Variants in DIP2C observed in about 807,000 individuals in gnomAD.
DIP2C encodes the protein disco-interacting protein 2 homolog C.
In DIP2C, 33 loss-of-function variants were observed where a neutral mutation model predicts 192.4. The observed-to-expected ratio is 0.17, with a 90% CI of 0.13 to 0.23. The LOEUF (loss-of-function observed/expected upper bound fraction) is 0.23. DIP2C is among the 10% of genes least tolerant of loss of function. The pLI is 1.00. For synonymous variants in DIP2C, 979 were observed against 864.1 expected (o/e 1.13, Z -2.33); for missense variants, 1,537 against 2,110.1 (o/e 0.73, Z 5.32).
chr10:579,155 CAGAT>C (rs1237795223), intron 1 of DIP2C, among the ~76,000 whole-genome samples: 1 of 151,780 alleles, frequency 6.6e-6, no homozygotes, highest in African/African-American at 2.4e-5. Context: ...AGCATACACC[CAGAT>C]ACAGTGTACA....
Position 384,047 on chromosome 10 carries a change from A to C in DIP2C, c.1856T>G (p.Val619Gly). The change falls in exon 16 of 37, where the codon GTG becomes GGG. Residue 619 changes from valine (V) to glycine (G), a missense_variant. Val to Gly is a moderately radical substitution (Grantham distance 109, BLOSUM62 -3). Around this residue, in one of 4 missense-constraint regions of DIP2C, gnomAD observed 677 missense variants for 989.9 expected, o/e 0.68. Transcript: ENST00000280886. ...CTTACAGGGGTTCGCGCCGTCCGCC[A>C]CTATCAGCATTCGCAGAGAGGAGAG... The part of the protein sequence containing the change: ...INLSSLRMLI[V>G]ADGANPWSIS... The C allele has an allele frequency of 6.2e-7, 1 of 1,607,120 alleles. No individual in the cohort carries two copies. Among genetic ancestry groups the C allele is most frequent in the Non-Finnish European group, 8.5e-7 (1 of 1,178,072 alleles).
intron 3 of DIP2C, among the ~76,000 whole-genome samples, chr10:467,509 T>C (rs1970306071): frequency 7.2e-6 from 1 of 139,236 alleles, no homozygotes; most frequent in East Asian, 2.1e-4. Context: ...TGTGCACATG[T>C]ACCCTAAAAC....
intron 1 of DIP2C, among the ~76,000 whole-genome samples, chr10:635,894 T>A (rs1219884143): frequency 2.0e-5 from 3 of 152,182 alleles, no homozygotes; most frequent in Non-Finnish European, 4.4e-5. Context: ...AACGGGGTCC[T>A]CGGTGGTGAC....
At chr10:591,748 A>G (rs1042898120) in intron 1 of DIP2C, among the ~76,000 whole-genome samples, 1 of 152,136 alleles carries the variant, frequency 6.6e-6, no homozygotes, top group African/African-American at 2.4e-5. Context: ...TCCAAATAAA[A>G]GCTCAAGGGA....
chr10:539,916 A>G (rs561422887), intron 1 of DIP2C, among the ~76,000 whole-genome samples: 6 of 152,380 alleles, frequency 3.9e-5, no homozygotes, highest in African/African-American at 1.4e-4. Context: ...AACACATTAC[A>G]AACCCCTAAA....
At chr10:528,572 A>G (rs1430690387) in intron 1 of DIP2C, among the ~76,000 whole-genome samples, 3 of 152,280 alleles carry the variant, frequency 2.0e-5, no homozygotes, top group Non-Finnish European at 2.9e-5. Flanking sequence ...TCACACAACC[A>G]TCTTGGACTC....
chr10:538,755 A>C (rs1271036504), intron 1 of DIP2C, among the ~76,000 whole-genome samples: 1 of 152,250 alleles, frequency 6.6e-6, no homozygotes. Flanking sequence ...TTTCTTTTTA[A>C]CAAAAGATAA....
intron 10 of DIP2C, among the ~76,000 whole-genome samples, chr10:394,396 C>T (rs1454602869): frequency 3.3e-5 from 5 of 149,934 alleles, no homozygotes; most frequent in South Asian, 2.1e-4. Flanking sequence ...GGAACCCTGC[C>T]GTGTGCTGAA....
At chr10:619,411 G>A (rs554042067) in intron 1 of DIP2C, among the ~76,000 whole-genome samples, 6 of 152,216 alleles carry the variant, frequency 3.9e-5, no homozygotes, top group South Asian at 2.1e-4. Flanking sequence ...AGAGGCTTCC[G>A]CATCCCCTGG....
At chr10:344,473 C>A (rs1178861341) in intron 28 of DIP2C, among the ~76,000 whole-genome samples, 1 of 152,080 alleles carries the variant, frequency 6.6e-6, no homozygotes, top group East Asian at 1.9e-4. Context: ...TCTAATAGAG[C>A]CCAGGTTAAA....
At chr10:592,421 C>T (rs1851455410) in intron 1 of DIP2C, among the ~76,000 whole-genome samples, 1 of 152,200 alleles carries the variant, frequency 6.6e-6, no homozygotes, top group Admixed American at 6.5e-5. Flanking sequence ...TCCAAATGTC[C>T]ATCGATACGA....
chr10:424,101 C>T (rs1000144573), intron 4 of DIP2C, among the ~76,000 whole-genome samples: 5 of 152,150 alleles, frequency 3.3e-5, no homozygotes, highest in Non-Finnish European at 5.9e-5. Context: ...TTAAGAATGA[C>T]ACTCAGAATC....
intron 1 of DIP2C, among the ~76,000 whole-genome samples, chr10:639,107 G>A (rs578160002): frequency 6.6e-6 from 1 of 152,022 alleles, no homozygotes; most frequent in South Asian, 2.1e-4. Flanking sequence ...CAGGTCGGGA[G>A]GATGCTGCCC....
intron 1 of DIP2C, among the ~76,000 whole-genome samples, chr10:649,362 G>A (rs1010773192): frequency 4.6e-5 from 7 of 152,064 alleles, no homozygotes; most frequent in South Asian, 2.1e-4. Flanking sequence ...CTGAGTCCAC[G>A]TCCACATTTG....
chr10:651,106 G>A lies in DIP2C; in HGVS notation c.85+38388C>T. 2 of 717,428 alleles carry A rather than the reference G, an allele frequency of 2.8e-6. No individual in the cohort carries two copies. The highest frequency in any genetic ancestry group is 5.2e-6 in the Non-Finnish European group (2 of 385,098). 44.4% of individuals were successfully genotyped at this position (717,428 alleles called of 1,614,324 possible). On this transcript the variant is annotated intron_variant, in intron 1 of 36. Transcript: ENST00000280886. The surrounding 1 kb of genome is among the most constrained non-coding windows in gnomAD (Gnocchi z 4.1). ...CCCACACCTCCCAAACTCTCTCCTGGCCAGCTCTCGCCACACTCAGTCAAT... is the reference window on the plus strand; with the variant it reads ...CCCACACCTCCCAAACTCTCTCCTGACCAGCTCTCGCCACACTCAGTCAAT...
At chr10:351,933 T>C (rs953515424) in intron 24 of DIP2C, among the ~76,000 whole-genome samples, 1 of 151,988 alleles carries the variant, frequency 6.6e-6, no homozygotes, top group Admixed American at 6.5e-5. Flanking sequence ...CAGGGGCAGG[T>C]CTCCCAACAA....
At chr10:515,258 G>T (rs926888672) in intron 1 of DIP2C, among the ~76,000 whole-genome samples, 9 of 152,172 alleles carry the variant, frequency 5.9e-5, no homozygotes, top group Admixed American at 1.3e-4. Context: ...AACCATAAAT[G>T]GATATAAAAT....
intron 31 of DIP2C, among the ~76,000 whole-genome samples, chr10:312,540 A>T (rs1396167071): frequency 6.6e-6 from 1 of 152,212 alleles, no homozygotes; most frequent in East Asian, 1.9e-4. Context: ...TTCAGGCTCA[A>T]ATTTGGTCAC....
At chr10:632,440 C>T (rs1159790200) in intron 1 of DIP2C, among the ~76,000 whole-genome samples, 6 of 136,628 alleles carry the variant, frequency 4.4e-5, no homozygotes, top group East Asian at 2.2e-4. Context: ...ATGCGGGCAC[C>T]GGTGTGAACT....
Sources: gnomAD v4.1 joint callset for allele counts (sites outside exome capture counted in the v4.1 genomes callset) on GRCh38, gnomAD v4.1.1 for gene constraint, gnomAD v4.1.1 regional missense constraint, Gnocchi (gnomAD v3.1) non-coding constraint, MANE v1.5 for transcripts, NCBI Gene and HGNC (gene_info 2026-07-23, HGNC 2026-07-21) for gene names.